Variants in ST6GALNAC3 observed in about 807,000 individuals in gnomAD.
The protein encoded by ST6GALNAC3 is ST6 N-acetylgalactosaminide alpha-2,6-sialyltransferase 3, also known as alpha-N-acetylgalactosaminide alpha-2,6-sialyltransferase 3.
ST6GALNAC3 carries 25 observed loss-of-function variants against 32.7 expected under a neutral mutation model. The ratio of observed to expected loss-of-function variants is 0.76; its 90% CI spans 0.56 to 1.07. The LOEUF (loss-of-function observed/expected upper bound fraction) is 1.07, where lower values mean the gene tolerates loss of function less well. Among genes scored for constraint, ST6GALNAC3 ranks in the 50% least tolerant of loss-of-function variants. The pLI, the probability that ST6GALNAC3 is intolerant of heterozygous loss-of-function variation, is 0.00. For missense variants in ST6GALNAC3, 355 were observed against 382.4 expected, an observed-to-expected ratio of 0.93 and a Z score of 0.60; for synonymous variants, 129 against 133.1, an observed-to-expected ratio of 0.97 and a Z score of 0.21.
intron 3 of ST6GALNAC3, chr1:76,412,930 G>C: frequency 3.5e-6 from 1 of 288,072 alleles, no homozygotes; most frequent in Middle Eastern, 4.1e-4. Flanking sequence ...TATCTAACTT[G>C]TTCAGCAGAA....
At chr1:76,567,762 A>C (rs536922845) in intron 3 of ST6GALNAC3, among the ~76,000 whole-genome samples, 1 of 152,258 alleles carries the variant, frequency 6.6e-6, no homozygotes, top group African/African-American at 2.4e-5. Flanking sequence ...TTTACCTTGA[A>C]AATTCTTCAG....
intron 3 of ST6GALNAC3, among the ~76,000 whole-genome samples, chr1:76,451,436 G>T (rs946907538): frequency 1.3e-5 from 2 of 152,156 alleles, no homozygotes; most frequent in Admixed American, 1.3e-4. Context: ...ACCTGCCCCT[G>T]TGATTCAGTT....
At chr1:76,388,141 A>G (rs1402728174) in intron 2 of ST6GALNAC3, among the ~76,000 whole-genome samples, 3 of 152,156 alleles carry the variant, frequency 2.0e-5, no homozygotes, top group African/African-American at 4.8e-5. Flanking sequence ...TGTCATGGGA[A>G]TACCCAGATG....
rs200054620 is a variant in ST6GALNAC3 at position 76,277,611 on chromosome 1, TACAC to T, written c.19-36172_19-36169del. On this transcript the variant is annotated intron_variant, in intron 1 of 4. Transcript: ENST00000328299. ...ATGTGTATATATATATATATATATA[TACAC>T]ACACACACACACACACACACATTTC... 3.8e-3 allele frequency among the ~76,000 whole-genome samples: 196 copies of T among 51,092 alleles called. 2 individuals carry two copies. Among genetic ancestry groups the T allele is most frequent in the African/African-American group, 0.02 (150 of 7,350 alleles). The allele number at this position is 51,092 out of a possible 152,430, so 33.5% of individuals were successfully genotyped here.
chr1:76,618,875 G>A (rs376851545), intron 3 of ST6GALNAC3, among the ~76,000 whole-genome samples: 25 of 152,130 alleles, frequency 1.6e-4, no homozygotes, highest in African/African-American at 6.0e-4. Context: ...AATTCAATGA[G>A]GCAGAAAAGT....
chr1:76,232,743 C>G (rs1656439046), intron 1 of ST6GALNAC3, among the ~76,000 whole-genome samples: 1 of 152,216 alleles, frequency 6.6e-6, no homozygotes, highest in Non-Finnish European at 1.5e-5. Context: ...GTTGAAGAAG[C>G]CACCAGAAAA....
At chr1:76,594,427 A>G (rs1227483662) in intron 3 of ST6GALNAC3, among the ~76,000 whole-genome samples, 1 of 152,196 alleles carries the variant, frequency 6.6e-6, no homozygotes, top group African/African-American at 2.4e-5. Flanking sequence ...TTGACTTTCA[A>G]TACCTTCTAA....
intron 3 of ST6GALNAC3, among the ~76,000 whole-genome samples, chr1:76,445,288 C>T (rs1490378150): frequency 1.3e-5 from 2 of 152,102 alleles, no homozygotes; most frequent in Non-Finnish European, 2.9e-5. Context: ...CAGCATCTAG[C>T]ATCTCCTGGG....
chr1:76,512,338 C>T (rs1661914430), intron 3 of ST6GALNAC3, among the ~76,000 whole-genome samples: 1 of 151,952 alleles, frequency 6.6e-6, no homozygotes, highest in Non-Finnish European at 1.5e-5. Flanking sequence ...ATGCATACAC[C>T]ATGTATTTAT....
chr1:76,576,876 G>T, intron 3 of ST6GALNAC3: 1 of 1,304,546 alleles, frequency 7.7e-7, no homozygotes, highest in Non-Finnish European at 1.0e-6. Context: ...TTGATTGATC[G>T]AACAGCAACC....
chr1:76,438,583 TTC>T (rs1170096378), intron 3 of ST6GALNAC3, among the ~76,000 whole-genome samples: 1 of 152,272 alleles, frequency 6.6e-6, no homozygotes, highest in African/African-American at 2.4e-5. Flanking sequence ...TCTTCCATTC[TTC>T]TCTTTTTATA....
chr1:76,341,655 T>TTC (rs1648019200), intron 2 of ST6GALNAC3, among the ~76,000 whole-genome samples: 5 of 146,466 alleles, frequency 3.4e-5, no homozygotes, highest in East Asian at 2.0e-4. Flanking sequence ...CTTTCTTTCT[T>TTC]TCTTTCTTTC....
chr1:76,303,193 A>T (rs1660830342), intron 1 of ST6GALNAC3, among the ~76,000 whole-genome samples: 1 of 151,992 alleles, frequency 6.6e-6, no homozygotes, highest in South Asian at 2.1e-4. Context: ...AATCAGTCTG[A>T]TTGGTTGCAG....
intron 1 of ST6GALNAC3, among the ~76,000 whole-genome samples, chr1:76,108,142 T>C (rs974982790): frequency 1.3e-5 from 2 of 152,194 alleles, no homozygotes; most frequent in African/African-American, 4.8e-5. Flanking sequence ...TCTCACTGTC[T>C]TCTTGAAATC....
At chr1:76,186,582 G>A (rs778477532) in intron 1 of ST6GALNAC3, among the ~76,000 whole-genome samples, 15 of 152,130 alleles carry the variant, frequency 9.9e-5, no homozygotes, top group African/African-American at 2.2e-4. Context: ...ATGCAGGTCC[G>A]TCTTTGTACA....
intron 3 of ST6GALNAC3, among the ~76,000 whole-genome samples, chr1:76,482,820 C>A (rs1659817686): frequency 6.6e-6 from 1 of 151,778 alleles, no homozygotes; most frequent in Non-Finnish European, 1.5e-5. Flanking sequence ...TGGTGTGCTG[C>A]ACCCATTAAC....
intron 3 of ST6GALNAC3, among the ~76,000 whole-genome samples, chr1:76,445,346 AT>A (rs1656898073): frequency 6.6e-6 from 1 of 152,220 alleles, no homozygotes; most frequent in South Asian, 2.1e-4. Context: ...AATCTGCTAA[AT>A]CAGAAACTGG....
chr1:76,536,121 G>A (rs778576527), intron 3 of ST6GALNAC3, among the ~76,000 whole-genome samples: 10 of 152,000 alleles, frequency 6.6e-5, no homozygotes, highest in Admixed American at 2.6e-4. Context: ...AGAAATTTTT[G>A]GACAAAGGAA....
In ST6GALNAC3 at chr1:76,074,746, G is replaced by T. The variant is rs1349271691; in HGVS notation, c.-121G>T. The T allele has an allele frequency of 2.1e-5, 23 of 1,095,860 alleles. No homozygotes were observed. Among genetic ancestry groups the T allele is most frequent in the Non-Finnish European group, 2.8e-5 (22 of 778,684 alleles). The allele number at this position is 1,095,860 out of a possible 1,614,324, so 67.9% of individuals were successfully genotyped here. ...AGCTTACACCGCGGTCCCCTTATTT[G>T]GATCTGCGGGAATGTGGGCTGGAGA... is the stretch of plus-strand genomic sequence containing the variant. On this transcript the variant is annotated 5_prime_UTR_variant, in exon 1 of 5. Coordinates refer to ENST00000328299, the MANE Select transcript of ST6GALNAC3 (RefSeq NM_152996.4).
Sources: gnomAD v4.1 joint callset for allele counts (sites outside exome capture counted in the v4.1 genomes callset) on GRCh38, gnomAD v4.1.1 for gene constraint, MANE v1.5 for transcripts, NCBI Gene and HGNC (gene_info 2026-07-23, HGNC 2026-07-21) for gene names.